Variants in GNAQ observed in about 807,000 individuals in gnomAD.
GNAQ encodes G protein subunit alpha q, also known as guanine nucleotide-binding protein G(q) subunit alpha.
In GNAQ, 8 loss-of-function variants were observed where a neutral mutation model predicts 43.9. The ratio of observed to expected loss-of-function variants is 0.18; its 90% CI spans 0.11 to 0.33. The LOEUF is 0.33. Among genes scored for constraint, GNAQ ranks in the 10% least tolerant of loss-of-function variants. The probability of loss-of-function intolerance (pLI) is 1.00; values close to 1 mark genes in which losing one functional copy is unlikely to be tolerated. For synonymous variants in GNAQ, 155 were observed against 170.7 expected (o/e 0.91, Z 0.71); for missense variants, 158 against 450.8 (o/e 0.35, Z 5.88).
chr9:77,750,799 C>G (rs756712384), intron 5 of GNAQ, among the ~76,000 whole-genome samples: 1 of 152,118 alleles, frequency 6.6e-6, no homozygotes, highest in Non-Finnish European at 1.5e-5. Context: ...CTTCTTGGAG[C>G]TCAACTCTGT....
Position 77,901,164 on chromosome 9 carries a change from A to G in GNAQ, c.321+20997T>C, listed in dbSNP as rs1268463155. Among the ~76,000 whole-genome samples, 4 of 152,100 alleles carry G rather than the reference A, an allele frequency of 2.6e-5. No homozygotes were observed. In the East Asian group the frequency reaches 7.7e-4, roughly 29 times the overall value. The stretch of plus-strand genomic sequence containing the variant: ...TCTCACACCACCTGTGTAGTACCCG[A>G]TAGTAGTACCACACTGTCACACTCT... On this transcript the variant is annotated intron_variant, in intron 2 of 6. Coordinates refer to ENST00000286548, the MANE Select transcript of GNAQ (RefSeq NM_002072.5).
intron 2 of GNAQ, among the ~76,000 whole-genome samples, chr9:77,864,033 C>T (rs1051806511): frequency 6.6e-6 from 1 of 152,058 alleles, no homozygotes; most frequent in African/African-American, 2.4e-5. Flanking sequence ...GTTCTGCAGA[C>T]TGTACAAGAA....
In GNAQ at chr9:77,982,263, G is replaced by A. The variant is rs143930886; in HGVS notation, c.136+48837C>T. ...AAGAAATGATTCTGGTCTTTGTAGG[G>A]AGGTGTGGGCTCAAATTCCACTCCT... On this transcript the variant is annotated intron_variant, in intron 1 of 6. Coordinates refer to ENST00000286548, the MANE Select transcript of GNAQ (RefSeq NM_002072.5). Among the ~76,000 whole-genome samples, 53 of 152,330 alleles carry A rather than the reference G, an allele frequency of 3.5e-4. 2 individuals carry two copies. The Middle Eastern group carries it at 0.01, about 29-fold the overall frequency.
intron 2 of GNAQ, among the ~76,000 whole-genome samples, chr9:77,874,721 C>G (rs1489519203): frequency 6.6e-6 from 1 of 152,006 alleles, no homozygotes; most frequent in African/African-American, 2.4e-5. Context: ...ACCACCCGGG[C>G]TTAAGTGATC....
chr9:77,917,756 CCTAGTTCACAGA>C (rs777341373), intron 2 of GNAQ, among the ~76,000 whole-genome samples: 7 of 151,994 alleles, frequency 4.6e-5, no homozygotes, highest in Non-Finnish European at 7.4e-5. Context: ...ATAAACAAAC[CCTAGTTCACAGA>C]CTATTCAGAA....
intron 2 of GNAQ, among the ~76,000 whole-genome samples, chr9:77,897,786 A>G (rs1828527375): frequency 6.6e-6 from 1 of 152,186 alleles, no homozygotes; most frequent in Non-Finnish European, 1.5e-5. Flanking sequence ...AGGGGCCACA[A>G]TGTGAGGCTG....
chr9:77,882,593 A>G (rs930279354), intron 2 of GNAQ, among the ~76,000 whole-genome samples: 2 of 152,232 alleles, frequency 1.3e-5, no homozygotes, highest in African/African-American at 2.4e-5. Context: ...AGCCACTAAC[A>G]CAGGGCTAGA....
At chr9:77,761,490 A>G (rs1587903729) in intron 5 of GNAQ, among the ~76,000 whole-genome samples, 1 of 116,332 alleles carries the variant, frequency 8.6e-6, no homozygotes, top group African/African-American at 3.4e-5. Context: ...CCAGTCCGGG[A>G]GGGAGGTGGG....
intron 5 of GNAQ, among the ~76,000 whole-genome samples, chr9:77,746,355 C>T (rs1042235189): frequency 1.3e-5 from 2 of 152,154 alleles, no homozygotes; most frequent in African/African-American, 4.8e-5. Flanking sequence ...AGCAGTGAAG[C>T]AAGGTCCCAG....
At chr9:77,759,639 C>T (rs962813798) in intron 5 of GNAQ, among the ~76,000 whole-genome samples, 31 of 152,034 alleles carry the variant, frequency 2.0e-4, no homozygotes, top group African/African-American at 6.8e-4. Flanking sequence ...TCCTTCAATA[C>T]GTAACTTAGG....
chr9:77,908,660 T>C (rs1307819788), intron 2 of GNAQ, among the ~76,000 whole-genome samples: 1 of 152,204 alleles, frequency 6.6e-6, no homozygotes, highest in African/African-American at 2.4e-5. Context: ...AGAGTTTAAA[T>C]AATTTGCTGA....
At chr9:77,959,515 T>C (rs1172449417) in intron 1 of GNAQ, among the ~76,000 whole-genome samples, 1 of 152,246 alleles carries the variant, frequency 6.6e-6, no homozygotes, top group Non-Finnish European at 1.5e-5. Flanking sequence ...AATAATTCTG[T>C]AGATAAATTT....
At chr9:77,951,433 G>T (rs989490972) in intron 1 of GNAQ, among the ~76,000 whole-genome samples, 1 of 152,084 alleles carries the variant, frequency 6.6e-6, no homozygotes, top group Admixed American at 6.6e-5. Flanking sequence ...TATTGCTAAA[G>T]ATATGTTTGG....
chr9:77,971,831 G>A (rs1823240410), intron 1 of GNAQ, among the ~76,000 whole-genome samples: 1 of 152,134 alleles, frequency 6.6e-6, no homozygotes, highest in Non-Finnish European at 1.5e-5. Flanking sequence ...CCTGAGCAGT[G>A]GTTTGTAGTT....
At chr9:78,024,383 T>A (rs574305211) in intron 1 of GNAQ, among the ~76,000 whole-genome samples, 1 of 152,266 alleles carries the variant, frequency 6.6e-6, no homozygotes, top group East Asian at 1.9e-4. Flanking sequence ...TTCTTCCGAT[T>A]ACCCTCCATT....
chr9:77,833,167 C>G (rs1014315412), intron 2 of GNAQ, among the ~76,000 whole-genome samples: 6 of 152,038 alleles, frequency 3.9e-5, no homozygotes, highest in African/African-American at 1.4e-4. Context: ...GGGGATTCAC[C>G]ATGTTGGCCA....
At chr9:77,758,567 C>A (rs185018858) in intron 5 of GNAQ, among the ~76,000 whole-genome samples, 70 of 152,186 alleles carry the variant, frequency 4.6e-4, no homozygotes, top group Admixed American at 1.4e-3. Flanking sequence ...AGTAGGAATA[C>A]CTTCTACCTC....
chr9:77,743,916 C>T (rs1486871721), intron 5 of GNAQ, among the ~76,000 whole-genome samples: 2 of 152,144 alleles, frequency 1.3e-5, no homozygotes, highest in Non-Finnish European at 1.5e-5. Context: ...ACCATGTGCT[C>T]ATAACAGCTG....
At chr9:77,939,286 C>T (rs2118336047) in intron 1 of GNAQ, among the ~76,000 whole-genome samples, 1 of 152,334 alleles carries the variant, frequency 6.6e-6, no homozygotes, top group East Asian at 1.9e-4. Context: ...AAGTAAATTT[C>T]CAAATTCTAT....
Sources: allele counts gnomAD v4.1 joint callset (sites outside exome capture counted in the v4.1 genomes callset), GRCh38; gene constraint gnomAD v4.1.1; transcripts MANE v1.5; gene names NCBI Gene and HGNC (gene_info 2026-07-23, HGNC 2026-07-21).